HPSE2: variants seen among roughly 807,000 people sequenced by gnomAD.
HPSE2 encodes the protein heparanase 2 (inactive), also known as inactive heparanase-2.
HPSE2 carries 38 observed loss-of-function variants against 60.5 expected under a neutral mutation model. That is an observed-to-expected ratio of 0.63 (90% CI 0.48 to 0.82). The LOEUF is 0.82. Among genes scored for constraint, HPSE2 ranks in the 40% least tolerant of loss-of-function variants. The pLI, the probability that HPSE2 is intolerant of heterozygous loss-of-function variation, is 0.00. For synonymous variants in HPSE2, 295 were observed against 293.2 expected, an observed-to-expected ratio of 1.01 and a Z score of -0.06; for missense variants, 713 against 740.4, an observed-to-expected ratio of 0.96 and a Z score of 0.43.
At chr10:98,910,049 A>C (rs1273335541) in intron 3 of HPSE2, among the ~76,000 whole-genome samples, 2 of 152,232 alleles carry the variant, frequency 1.3e-5, no homozygotes, top group African/African-American at 4.8e-5. Context: ...TGCTATTATA[A>C]GAAGAAAAAA....
At chr10:99,144,797 G>A (rs766283014) in intron 2 of HPSE2, among the ~76,000 whole-genome samples, 81 of 151,982 alleles carry the variant, frequency 5.3e-4, no homozygotes, top group Non-Finnish European at 7.8e-4. Flanking sequence ...TCTCTACCTC[G>A]TGCTACAGGA....
chr10:99,289,793 G>A, the HPSE2 span, among the ~76,000 whole-genome samples: 5 of 151,940 alleles, frequency 3.3e-5, no homozygotes, highest in Non-Finnish European at 7.4e-5. Context: ...TTCAGTTTAC[G>A]GCAAATTAAA....
chr10:98,720,757 G>A (rs903724832), intron 5 of HPSE2, among the ~76,000 whole-genome samples: 1 of 152,134 alleles, frequency 6.6e-6, no homozygotes, highest in African/African-American at 2.4e-5. Flanking sequence ...GCAGACTTTG[G>A]TGCACTAATG....
chr10:98,742,980 T>C (rs1449301046), intron 4 of HPSE2, among the ~76,000 whole-genome samples: 8 of 146,188 alleles, frequency 5.5e-5, no homozygotes, highest in East Asian at 3.9e-4. Context: ...TTTTCTTTTT[T>C]TTTTTTTTTT....
intron 9 of HPSE2, among the ~76,000 whole-genome samples, chr10:98,510,773 T>A (rs1942362954): frequency 6.6e-6 from 1 of 152,210 alleles, no homozygotes; most frequent in Non-Finnish European, 1.5e-5. Context: ...AATGCAAAGA[T>A]GAACAAGACA....
At chr10:99,106,808 ATTAAAG>A (rs1282477060) in intron 3 of HPSE2, among the ~76,000 whole-genome samples, 17 of 152,254 alleles carry the variant, frequency 1.1e-4, no homozygotes, top group East Asian at 3.9e-4. Context: ...AAGTTTCACT[ATTAAAG>A]TTAAAGTTAG....
In HPSE2 at chr10:98,955,070, A is replaced by G. The variant is rs542971497; in HGVS notation, c.610+189168T>C. On this transcript the variant is annotated intron_variant, in intron 3 of 11. Coordinates refer to ENST00000370552, the MANE Select transcript of HPSE2 (RefSeq NM_021828.5). ...ACTCTATCCAAAAGAATGGTGATTC[A>G]CTGGTCAGCCATGGAACAGAATCAT... Among the ~76,000 whole-genome samples the G allele has an allele frequency of 2.0e-5, 3 of 151,398 alleles. No homozygotes were observed. The South Asian group carries it at 6.2e-4, about 32-fold the overall frequency.
chr10:98,459,862 C>G, intron 11 of HPSE2, 123 bp from the exon 12 acceptor site: 1 of 926,718 alleles, frequency 1.1e-6, no homozygotes, highest in Non-Finnish European at 1.7e-6. Flanking sequence ...CTTATTGTTA[C>G]TGGCTATGCC....
the HPSE2 span, among the ~76,000 whole-genome samples, chr10:99,299,044 A>G: frequency 2.0e-5 from 3 of 152,056 alleles, no homozygotes; most frequent in African/African-American, 7.2e-5. Context: ...CTGGCTCCTG[A>G]TACTCCCAGA....
At chr10:98,626,836 A>G (rs898372630) in intron 7 of HPSE2, among the ~76,000 whole-genome samples, 25 of 151,804 alleles carry the variant, frequency 1.6e-4, no homozygotes, top group Non-Finnish European at 2.9e-4. Flanking sequence ...GCACTGGTGC[A>G]ATCTCGGCTC....
At chr10:99,001,842 A>T (rs75629051) in intron 3 of HPSE2, among the ~76,000 whole-genome samples, 2,959 of 152,278 alleles carry the variant, frequency 0.019, 49 homozygotes, top group Non-Finnish European at 0.031. Flanking sequence ...ACTAAAAATC[A>T]TAGAGAATGT....
At chr10:98,811,371 GTGTT>G (rs374455015) in intron 3 of HPSE2, among the ~76,000 whole-genome samples, 2 of 152,136 alleles carry the variant, frequency 1.3e-5, no homozygotes, top group Non-Finnish European at 2.9e-5. Context: ...GGGTGACAGT[GTGTT>G]TGTTTATTTA....
rs768364363 is a variant in HPSE2, at chr10:98,490,112, G to A, written c.1405C>T (p.Arg469Trp). Reference protein sequence around the residue: ...VHVAGLQRKPRPGRVIRDKLR... With the variant: ...VHVAGLQRKPWPGRVIRDKLR... ...TTGTCCCGGATCACTCGGCCAGGCC[G>A]TGGCTTCCGCTGGAGCCCAGCCACA... The change falls in exon 10 of 12, where the codon CGG (arginine) becomes TGG (tryptophan). Residue 469 changes from arginine to tryptophan, a missense_variant. Coordinates refer to ENST00000370552, the MANE Select transcript of HPSE2 (RefSeq NM_021828.5). The A allele has an allele frequency of 4.3e-6, 7 of 1,614,090 alleles. No homozygotes were observed. The East Asian group carries it at 6.7e-5, about 15-fold the overall frequency.
intron 3 of HPSE2, among the ~76,000 whole-genome samples, chr10:99,137,581 A>G (rs866068433): frequency 3.3e-5 from 5 of 152,228 alleles, no homozygotes; most frequent in Non-Finnish European, 5.9e-5. Flanking sequence ...GGCCTCAGAA[A>G]TAACACCACA....
rs187246381 is a variant in HPSE2 at position 98,814,207 on chromosome 10, T to C, written c.611-70151A>G. 4.6e-5 allele frequency among the ~76,000 whole-genome samples: 7 copies of C among 152,122 alleles called. No homozygotes were observed. The East Asian group carries it at 1.3e-3, about 29-fold the overall frequency. The stretch of plus-strand genomic sequence containing the variant: ...TTGATACTGAGTTTTTTAATGTTTT[T>C]AATAAAATTGAAAAAAAAATTTAAA... On this transcript the variant is annotated intron_variant, in intron 3 of 11. Transcript: ENST00000370552.
intron 3 of HPSE2, among the ~76,000 whole-genome samples, chr10:99,077,286 T>G (rs1842978797): frequency 6.6e-6 from 1 of 152,206 alleles, no homozygotes; most frequent in Non-Finnish European, 1.5e-5. Flanking sequence ...CCATTACTTC[T>G]TTGAATAAGC....
chr10:98,851,102 G>A (rs1438866207), intron 3 of HPSE2, among the ~76,000 whole-genome samples: 4 of 152,202 alleles, frequency 2.6e-5, no homozygotes, highest in Non-Finnish European at 5.9e-5. Context: ...CATAGTGATA[G>A]CATGGCTTAA....
At chr10:98,769,693 T>C (rs1440622269) in intron 3 of HPSE2, among the ~76,000 whole-genome samples, 1 of 152,020 alleles carries the variant, frequency 6.6e-6, no homozygotes, top group East Asian at 1.9e-4. Flanking sequence ...AGGAAGGAGA[T>C]GGTTAAGAAA....
the HPSE2 span, among the ~76,000 whole-genome samples, chr10:99,279,747 G>A: frequency 1.3e-5 from 2 of 152,222 alleles, no homozygotes; most frequent in East Asian, 3.9e-4. Flanking sequence ...CAAAACCCAT[G>A]GGAAACATAA....
Sources: gnomAD v4.1 joint callset for allele counts (sites outside exome capture counted in the v4.1 genomes callset) on GRCh38, gnomAD v4.1.1 for gene constraint, MANE v1.5 for transcripts, NCBI Gene and HGNC (gene_info 2026-07-23, HGNC 2026-07-21) for gene names.